MAGI2: variants seen among roughly 807,000 people sequenced by gnomAD.
MAGI2 encodes the protein membrane associated guanylate kinase, WW and PDZ domain containing 2, also known as membrane-associated guanylate kinase, WW and PDZ domain-containing protein 2.
In MAGI2, 35 loss-of-function variants were observed where a neutral mutation model predicts 133.3. The ratio of observed to expected loss-of-function variants is 0.26; its 90% CI spans 0.20 to 0.35. The LOEUF is 0.35. MAGI2 is among the 10% of genes least tolerant of loss of function. The probability of loss-of-function intolerance (pLI) is 1.00; values close to 1 mark genes in which losing one functional copy is unlikely to be tolerated. For missense variants in MAGI2, 1,636 were observed against 1,863.4 expected, an observed-to-expected ratio of 0.88 and a Z score of 2.25; for synonymous variants, 729 against 710.6, an observed-to-expected ratio of 1.03 and a Z score of -0.41.
intron 2 of MAGI2, among the ~76,000 whole-genome samples, chr7:78,740,616 G>A (rs1434859754): frequency 1.3e-5 from 2 of 152,122 alleles, no homozygotes; most frequent in Non-Finnish European, 2.9e-5. Context: ...AAGCAGCTAG[G>A]GAATTATGCT....
At chr7:79,007,679 A>G (rs1807592423) in intron 1 of MAGI2, among the ~76,000 whole-genome samples, 1 of 152,112 alleles carries the variant, frequency 6.6e-6, no homozygotes, top group South Asian at 2.1e-4. Flanking sequence ...GGCTTATTTT[A>G]CTTAGCATAA....
intron 1 of MAGI2, among the ~76,000 whole-genome samples, chr7:79,269,311 A>G (rs4730744): frequency 0.38 from 57,405 of 151,928 alleles, 13,152 homozygotes; most frequent in Middle Eastern, 0.55. Context: ...AACAGTTATT[A>G]TGGGTGGATA....
intron 1 of MAGI2, among the ~76,000 whole-genome samples, chr7:79,370,832 C>T (rs1375874444): frequency 6.6e-6 from 1 of 151,950 alleles, no homozygotes; most frequent in Non-Finnish European, 1.5e-5. Context: ...ATAACAGAAA[C>T]ACGGCACTCC....
chr7:78,354,752 T>A (rs1453940026), intron 7 of MAGI2, among the ~76,000 whole-genome samples: 1 of 152,140 alleles, frequency 6.6e-6, no homozygotes, highest in Non-Finnish European at 1.5e-5. Context: ...GCAAGAGGGA[T>A]TAGAAAACAC....
chr7:78,448,284 A>C (rs1348710691), intron 6 of MAGI2, among the ~76,000 whole-genome samples: 1 of 152,074 alleles, frequency 6.6e-6, no homozygotes, highest in Non-Finnish European at 1.5e-5. Flanking sequence ...TCCTTTGAGT[A>C]TATACCCAGT....
At chr7:78,532,096 T>C (rs1001175331) in intron 3 of MAGI2, among the ~76,000 whole-genome samples, 13 of 152,192 alleles carry the variant, frequency 8.5e-5, no homozygotes, top group African/African-American at 2.4e-4. Flanking sequence ...TCTCCTTAAA[T>C]GACTGTGAAC....
intron 3 of MAGI2, among the ~76,000 whole-genome samples, chr7:78,546,345 A>G (rs1043070419): frequency 2.0e-5 from 3 of 152,104 alleles, no homozygotes; most frequent in Non-Finnish European, 2.9e-5. Context: ...AATATTTGCT[A>G]TAAGATCGTT....
chr7:78,166,696 A>G (rs1014300971), intron 15 of MAGI2, among the ~76,000 whole-genome samples: 16 of 152,186 alleles, frequency 1.1e-4, no homozygotes, highest in African/African-American at 3.9e-4. Flanking sequence ...CTAGTCATTC[A>G]CAGCCTGTCA....
At chr7:78,228,478 A>G (rs191124917) in intron 10 of MAGI2, among the ~76,000 whole-genome samples, 2 of 152,324 alleles carry the variant, frequency 1.3e-5, no homozygotes, top group Admixed American at 1.3e-4. Context: ...GCAAGGTTCT[A>G]ACAGGAAGGG....
intron 2 of MAGI2, among the ~76,000 whole-genome samples, chr7:78,949,235 T>C (rs1260083669): frequency 6.6e-6 from 1 of 152,182 alleles, no homozygotes; most frequent in Non-Finnish European, 1.5e-5. Flanking sequence ...AGAAAAGTTC[T>C]ATGATGGCAT....
At chr7:78,886,889 G>A (rs1284278872) in intron 2 of MAGI2, among the ~76,000 whole-genome samples, 5 of 152,098 alleles carry the variant, frequency 3.3e-5, no homozygotes, top group African/African-American at 1.2e-4. Context: ...GACCTTGTAG[G>A]AGGTAACTGA....
chr7:79,439,623 C>A (rs1239255479), intron 1 of MAGI2, among the ~76,000 whole-genome samples: 3 of 152,106 alleles, frequency 2.0e-5, no homozygotes, highest in East Asian at 1.9e-4. Flanking sequence ...TCCTTATTAT[C>A]ATTTTAATGC....
chr7:78,474,315 AT>A (rs1279086396), intron 6 of MAGI2, among the ~76,000 whole-genome samples: 1 of 151,996 alleles, frequency 6.6e-6, no homozygotes, highest in African/African-American at 2.4e-5. Flanking sequence ...TGAAAAAGGA[AT>A]CTATGTGATA....
At chr7:78,865,960 T>C (rs1239762759) in intron 2 of MAGI2, among the ~76,000 whole-genome samples, 2 of 152,118 alleles carry the variant, frequency 1.3e-5, no homozygotes. Flanking sequence ...CAGAAAACAT[T>C]CAATCTGATA....
At chr7:79,033,555 A>G (rs1419107954) in intron 1 of MAGI2, among the ~76,000 whole-genome samples, 1 of 152,192 alleles carries the variant, frequency 6.6e-6, no homozygotes, top group African/African-American at 2.4e-5. Context: ...CAATACTCCA[A>G]AGGAGATTAC....
At chr7:79,359,145 A>C (rs1842210812) in intron 1 of MAGI2, among the ~76,000 whole-genome samples, 1 of 152,208 alleles carries the variant, frequency 6.6e-6, no homozygotes, top group African/African-American at 2.4e-5. Context: ...AATCTCCAAG[A>C]AAGTTGTACA....
chr7:78,099,576 G>A (rs1818019328), intron 20 of MAGI2, among the ~76,000 whole-genome samples: 1 of 152,058 alleles, frequency 6.6e-6, no homozygotes, highest in African/African-American at 2.4e-5. Context: ...ACTGTATAAT[G>A]CCATGTGTTA....
At chr7:78,526,942 A>AGG (rs1797003324) in intron 3 of MAGI2, among the ~76,000 whole-genome samples, 1 of 126,480 alleles carries the variant, frequency 7.9e-6, no homozygotes, top group Non-Finnish European at 1.6e-5. Context: ...TGGGAGGCAG[A>AGG]GGGTGCGGTC....
chr7:78,964,476 G>T, intron 2 of MAGI2, among the ~76,000 whole-genome samples: 1 of 151,838 alleles, frequency 6.6e-6, no homozygotes, highest in African/African-American at 2.4e-5. Flanking sequence ...CCTCTTTTGT[G>T]ATGCAATAAA....
Sources: allele counts gnomAD v4.1 joint callset (sites outside exome capture counted in the v4.1 genomes callset), GRCh38; gene constraint gnomAD v4.1.1; transcripts MANE v1.5; gene names NCBI Gene and HGNC (gene_info 2026-07-23, HGNC 2026-07-21).